The following CACNA1A variants were observed in gnomAD, a reference collection of about 807,000 sequenced individuals.
The protein encoded by CACNA1A is calcium voltage-gated channel subunit alpha1 A.
In CACNA1A, 57 loss-of-function variants were observed where a neutral mutation model predicts 262.4. The ratio of observed to expected loss-of-function variants is 0.22; its 90% CI spans 0.18 to 0.27. The LOEUF (loss-of-function observed/expected upper bound fraction) is 0.27, where lower values mean the gene tolerates loss of function less well. Ranked by LOEUF, CACNA1A falls within the 10% of genes least tolerant of loss-of-function variation. The probability of loss-of-function intolerance (pLI) is 1.00; values close to 1 mark genes in which losing one functional copy is unlikely to be tolerated. For synonymous variants in CACNA1A, 1,431 were observed against 1,419.3 expected (o/e 1.01, Z -0.18); for missense variants, 2,526 against 3,562.8 (o/e 0.71, Z 7.41).
chr19:13,474,934 A>T (rs1179184381), intron 1 of CACNA1A, among the ~76,000 whole-genome samples: 1 of 152,252 alleles, frequency 6.6e-6, no homozygotes, highest in Non-Finnish European at 1.5e-5. Flanking sequence ...GAATGACTAA[A>T]TCAATGCCCC....
At chr19:13,208,433 G>A (rs1313343696) in intron 46 of CACNA1A, among the ~76,000 whole-genome samples, 1 of 151,600 alleles carries the variant, frequency 6.6e-6, no homozygotes, top group Middle Eastern at 3.2e-3. Flanking sequence ...AACAGAAGCC[G>A]GGTTAAAGGA....
At position 13,214,447 on chromosome 19, in the gene CACNA1A, T is replaced by TC. The variant is rs1210023335; in HGVS notation, c.5839+53dup. On this transcript the variant is annotated intron_variant, in intron 39 of 46. Coordinates refer to ENST00000360228, the MANE Select transcript of CACNA1A (RefSeq NM_001127222.2). This position sits in a 1 kb window ranked among gnomAD's most constrained non-coding sequence, Gnocchi z 4.1. ...ACTCTCCCCAGGCCTCCCCTTTCCCTCCCCCTCCATCTGTCCTGGTGGATT... is the reference window on the plus strand; with the variant it reads ...ACTCTCCCCAGGCCTCCCCTTTCCCTCCCCCCTCCATCTGTCCTGGTGGATT... 6.5e-6 allele frequency: 10 copies of TC among 1,537,768 alleles called. No homozygotes were observed. Among genetic ancestry groups the TC allele is most frequent in the Non-Finnish European group, 9.0e-6 (10 of 1,115,104 alleles).
At chr19:13,213,175 C>T (rs992103695) in intron 40 of CACNA1A, among the ~76,000 whole-genome samples, 1 of 152,184 alleles carries the variant, frequency 6.6e-6, no homozygotes, top group African/African-American at 2.4e-5. Flanking sequence ...TTGCCCTTGT[C>T]TCCTCCCTGC....
At position 13,212,301 on chromosome 19, in the gene CACNA1A, G is replaced by C; in HGVS notation, c.6189+83C>G. The C allele has an allele frequency of 6.4e-7, 1 of 1,563,964 alleles. No homozygotes were observed. The highest frequency in any genetic ancestry group is 1.1e-5 in the South Asian group (1 of 89,242). On this transcript the variant is annotated intron_variant, in intron 42 of 46. Coordinates refer to ENST00000360228, the MANE Select transcript of CACNA1A (RefSeq NM_001127222.2). The surrounding 1 kb of genome is among the most constrained non-coding windows in gnomAD (Gnocchi z 5.6). Reference sequence around the variant, plus strand: ...TCTGCAGAGGGAGGGAGCTGCAGGTGTGTGTGTGTGGGGGGCCCAGATCCC... The same window carrying C: ...TCTGCAGAGGGAGGGAGCTGCAGGTCTGTGTGTGTGGGGGGCCCAGATCCC...
intron 6 of CACNA1A, among the ~76,000 whole-genome samples, chr19:13,357,771 A>G (rs2059030867): frequency 6.6e-6 from 1 of 152,156 alleles, no homozygotes; most frequent in East Asian, 1.9e-4. Context: ...TGGGAGGCTG[A>G]GGCAGGAGGA....
intron 3 of CACNA1A, among the ~76,000 whole-genome samples, chr19:13,440,317 C>A (rs557201359): frequency 5.3e-5 from 8 of 152,238 alleles, no homozygotes; most frequent in African/African-American, 1.7e-4. Flanking sequence ...GACAATGAAT[C>A]CCTTTCACCT....
chr19:13,400,785 T>G (rs2059887333), intron 3 of CACNA1A, among the ~76,000 whole-genome samples: 1 of 152,104 alleles, frequency 6.6e-6, no homozygotes, highest in Non-Finnish European at 1.5e-5. Context: ...GCCCCCAAAG[T>G]CATCAGTGCT....
rs149780890 is a variant in CACNA1A, at chr19:13,341,199, G to A, written c.979-5290C>T. The stretch of plus-strand genomic sequence containing the variant: ...GATGAAGGCGGGATCAGGGTGATAC[G>A]TCTACAAGACAAGGACCACCAAGCA... On this transcript the variant is annotated intron_variant, in intron 6 of 46. Transcript: ENST00000360228. Among the ~76,000 whole-genome samples, 556 of 152,266 alleles carry A rather than the reference G, an allele frequency of 3.7e-3. 2 individuals carry two copies. The highest frequency in any genetic ancestry group is 0.013 in the African/African-American group (524 of 41,548).
At chr19:13,303,967 GC>G in intron 15 of CACNA1A, 83 bp from the exon 16 acceptor site, 1 of 973,568 alleles carries the variant, frequency 1.0e-6, no homozygotes, top group Non-Finnish European at 1.6e-6. Context: ...GCCGGAATCC[GC>G]CCACCCCATC....
chr19:13,476,698 TTTCATTTTATCACAATAAAAAAA>T (rs1287861661), intron 1 of CACNA1A, among the ~76,000 whole-genome samples: 46 of 152,240 alleles, frequency 3.0e-4, no homozygotes, highest in South Asian at 6.2e-4. Context: ...AAGTGGTAAA[TTTCATTTTATCACAATAAAAAAA>T]TTCATTTTAT....
At position 13,206,910 on chromosome 19, in the gene CACNA1A, C is replaced by CTAT. The variant is rs1312035126; in HGVS notation, c.*400_*402dup. ...AGATGATAAAACTCATCAATAGAAG[C>CTAT]TATTTTTTTCTCCCCGTTTTTTCTT... is the stretch of plus-strand genomic sequence containing the variant. On this transcript the variant is annotated 3_prime_UTR_variant, in exon 47 of 47. Transcript: ENST00000360228. The CTAT allele has an allele frequency of 2.4e-4, 27 of 111,466 alleles. 1 individual carries two copies. The South Asian group carries it at 5.9e-3, about 24-fold the overall frequency. The allele number at this position is 111,466 out of a possible 1,614,324, so 6.9% of individuals were successfully genotyped here.
At chr19:13,403,646 G>A (rs944907615) in intron 3 of CACNA1A, among the ~76,000 whole-genome samples, 1 of 152,118 alleles carries the variant, frequency 6.6e-6, no homozygotes, top group African/African-American at 2.4e-5. Context: ...CCTTTATAAG[G>A]AGGGAGGACC....
At chr19:13,269,771 T>C (rs373629719) in intron 24 of CACNA1A, among the ~76,000 whole-genome samples, 80 of 152,204 alleles carry the variant, frequency 5.3e-4, no homozygotes, top group South Asian at 2.1e-3. Flanking sequence ...AGTCAGTGAA[T>C]TGAGCAGGAC....
intron 31 of CACNA1A, among the ~76,000 whole-genome samples, chr19:13,239,210 C>G (rs1015608933): frequency 3.9e-5 from 6 of 152,190 alleles, no homozygotes; most frequent in African/African-American, 1.4e-4. Context: ...GGTCCTGTCC[C>G]CTTCTGCCTT....
chr19:13,290,522 C>T (rs950452504), intron 19 of CACNA1A, among the ~76,000 whole-genome samples: 13 of 151,914 alleles, frequency 8.6e-5, no homozygotes, highest in East Asian at 3.9e-4. Flanking sequence ...TGGGCTCAAG[C>T]GATCTTCCCA....
chr19:13,404,179 TATAC>T, intron 3 of CACNA1A, among the ~76,000 whole-genome samples: 1 of 149,198 alleles, frequency 6.7e-6, no homozygotes, highest in African/African-American at 2.6e-5. Context: ...CATATATATA[TATAC>T]ACATATACAC....
intron 3 of CACNA1A, among the ~76,000 whole-genome samples, chr19:13,410,487 A>G (rs1466665878): frequency 1.3e-5 from 2 of 148,776 alleles, no homozygotes; most frequent in African/African-American, 4.9e-5. Context: ...AAATGCTGGG[A>G]TTACAGGTGT....
intron 10 of CACNA1A, among the ~76,000 whole-genome samples, chr19:13,323,062 A>T (rs967830824): frequency 6.6e-6 from 1 of 152,188 alleles, no homozygotes; most frequent in Non-Finnish European, 1.5e-5. Context: ...ATTTGAGGTC[A>T]GGAATTCAAG....
chr19:13,487,359 G>C (rs1195508130), intron 1 of CACNA1A, among the ~76,000 whole-genome samples: 2 of 152,130 alleles, frequency 1.3e-5, no homozygotes, highest in Non-Finnish European at 2.9e-5. Context: ...GAAATGCAGG[G>C]AGCTGGGCTT....
Sources: allele counts gnomAD v4.1 joint callset (sites outside exome capture counted in the v4.1 genomes callset), GRCh38; gene constraint gnomAD v4.1.1; non-coding constraint Gnocchi (gnomAD v3.1); transcripts MANE v1.5; gene names NCBI Gene and HGNC (gene_info 2026-07-23, HGNC 2026-07-21).